The following HFM1 variants were observed in gnomAD, a reference collection of about 807,000 sequenced individuals.
The protein encoded by HFM1 is helicase for meiosis 1.
A neutral mutation model predicts 192.1 loss-of-function variants in HFM1; 169 were observed. The ratio of observed to expected loss-of-function variants is 0.88; its 90% CI spans 0.78 to 1.00. HFM1 has a LOEUF of 1.00. HFM1 is among the 50% of genes least tolerant of loss of function. HFM1 has a pLI of 0.00. For synonymous variants in HFM1, 525 were observed against 537.8 expected (o/e 0.98, Z 0.33); for missense variants, 1,661 against 1,668.0 (o/e 1.00, Z 0.07).
Position 91,319,162 on chromosome 1 carries a change from A to G in HFM1, c.2728T>C (p.Leu910=). 1.2e-6 allele frequency: 2 copies of G among 1,611,210 alleles called. No homozygotes were observed. Among genetic ancestry groups the G allele is most frequent in the Non-Finnish European group, 1.7e-6 (2 of 1,179,084 alleles). ...AAQEKKFAVL[L]NSLILAKCFR... ...CATTTAGCTAAAATCAAACTATTCA[A>G]TAGTACAGCAAACTTCTTTTCTTGA... Residue 910 remains leucine (L), a synonymous_variant, in exon 25 of 39, where the codon TTG becomes CTG. Coordinates refer to ENST00000370425, the MANE Select transcript of HFM1 (RefSeq NM_001017975.6).
chr1:91,404,271 G>C (rs1664621062), intron 1 of HFM1, among the ~76,000 whole-genome samples: 1 of 152,226 alleles, frequency 6.6e-6, no homozygotes, highest in African/African-American at 2.4e-5. Context: ...CAGCTCTGTG[G>C]ATTTCCTAAG....
intron 30 of HFM1, among the ~76,000 whole-genome samples, chr1:91,302,692 C>A (rs928416542): frequency 6.9e-6 from 1 of 145,780 alleles, no homozygotes. Flanking sequence ...GACAAAAAAC[C>A]AAACACTGCA....
chr1:91,265,983 T>C, intron 36 of HFM1, 34 bp downstream of exon 36: 1 of 1,584,972 alleles, frequency 6.3e-7, no homozygotes, highest in Non-Finnish European at 8.5e-7. Flanking sequence ...GATATAAAGT[T>C]GCAAATATTA....
chr1:91,336,916 A>AT (rs1356610847), intron 20 of HFM1, among the ~76,000 whole-genome samples: 4 of 152,208 alleles, frequency 2.6e-5, no homozygotes, highest in Non-Finnish European at 5.9e-5. Flanking sequence ...AAGGAATGAG[A>AT]TATGTCCTCT....
chr1:91,284,031 T>A (rs1356735350), intron 30 of HFM1, among the ~76,000 whole-genome samples: 2 of 151,978 alleles, frequency 1.3e-5, no homozygotes, highest in Non-Finnish European at 2.9e-5. Context: ...TTCTGTCAAA[T>A]ATTTTACTAT....
chr1:91,266,575 T>C (rs1244175122), intron 35 of HFM1, among the ~76,000 whole-genome samples: 1 of 152,202 alleles, frequency 6.6e-6, no homozygotes, highest in Non-Finnish European at 1.5e-5. Flanking sequence ...TACATTTTCA[T>C]TCACATAAAT....
At chr1:91,310,780 CT>C (rs1279527094) in intron 30 of HFM1, among the ~76,000 whole-genome samples, 7 of 152,174 alleles carry the variant, frequency 4.6e-5, no homozygotes, top group African/African-American at 1.7e-4. Context: ...TAAGAAGTGC[CT>C]TTTAACTCCC....
intron 13 of HFM1, among the ~76,000 whole-genome samples, chr1:91,368,108 A>G (rs1659631333): frequency 6.6e-6 from 1 of 152,250 alleles, no homozygotes. Context: ...GAAAAGACCA[A>G]AACTACATCT....
At chr1:91,365,933 A>C (rs1190123714) in intron 13 of HFM1, among the ~76,000 whole-genome samples, 3 of 151,428 alleles carry the variant, frequency 2.0e-5, no homozygotes, top group African/African-American at 7.3e-5. Context: ...CAGCACTGTA[A>C]TTCAAATCTG....
At chr1:91,343,024 G>A (rs1442457100) in intron 20 of HFM1, among the ~76,000 whole-genome samples, 4 of 151,712 alleles carry the variant, frequency 2.6e-5, no homozygotes, top group East Asian at 1.9e-4. Flanking sequence ...TCAGGAGATC[G>A]AGACCATCCT....
At chr1:91,283,652 G>A (rs1245729082) in intron 30 of HFM1, among the ~76,000 whole-genome samples, 2 of 152,062 alleles carry the variant, frequency 1.3e-5, no homozygotes, top group African/African-American at 4.8e-5. Flanking sequence ...GCCACATATT[G>A]TATTAATTTA....
At chr1:91,262,838 C>T (rs1255489048) in intron 36 of HFM1, among the ~76,000 whole-genome samples, 1 of 152,098 alleles carries the variant, frequency 6.6e-6, no homozygotes, top group Non-Finnish European at 1.5e-5. Flanking sequence ...AATTATTCAA[C>T]AATTTTCTTT....
chr1:91,344,231 C>T lies in HFM1; in HGVS notation c.2255-721G>A, dbSNP rs563601854. 1.4e-4 allele frequency among the ~76,000 whole-genome samples: 22 copies of T among 152,130 alleles called. 1 individual carries two copies. Among genetic ancestry groups the T allele is most frequent in the South Asian group, 6.2e-4 (3 of 4,814 alleles). On this transcript the variant is annotated intron_variant, in intron 19 of 38. Transcript: ENST00000370425. Reference sequence around the variant, plus strand: ...TCCTTCTCTGCCTCATGCTATAGTCCAGGAGATATAAGATAGTTCAGAGCA... The same window carrying T: ...TCCTTCTCTGCCTCATGCTATAGTCTAGGAGATATAAGATAGTTCAGAGCA...
At position 91,319,091 on chromosome 1, in the gene HFM1, T is replaced by C; in HGVS notation, c.2799A>G (p.Gln933=). 1 of 1,594,130 alleles carries C rather than the reference T, an allele frequency of 6.3e-7. No individual in the cohort carries two copies. The highest frequency in any genetic ancestry group is 1.2e-5 in the South Asian group (1 of 86,568). The part of the protein sequence containing the change: ...LWENSLHVSK[Q]LEKIGITLSN... The stretch of plus-strand genomic sequence containing the variant: ...TTCAGTACCTACCAATTTTTTCCAG[T>C]TGTTTGGATACATGCAGAGAGTTTT... Residue 933 remains glutamine (Q), a synonymous_variant, in exon 25 of 39, where the codon CAA becomes CAG. Coordinates refer to ENST00000370425, the MANE Select transcript of HFM1 (RefSeq NM_001017975.6).
In HFM1 at chr1:91,290,526, C is replaced by T. The variant is rs965295081; in HGVS notation, c.3392-13464G>A. Among the ~76,000 whole-genome samples, 11 of 152,192 alleles carry T rather than the reference C, an allele frequency of 7.2e-5. 1 individual carries two copies. The East Asian group carries it at 7.7e-4, about 11-fold the overall frequency. On this transcript the variant is annotated intron_variant, in intron 30 of 38. Transcript: ENST00000370425. Reference sequence around the variant, plus strand: ...CTATCCTAAATATATATGCACCCAACACAGGAGCACCCAGATTCATAAAGC... The same window carrying T: ...CTATCCTAAATATATATGCACCCAATACAGGAGCACCCAGATTCATAAAGC...
chr1:91,338,409 C>T (rs755839251), intron 20 of HFM1, among the ~76,000 whole-genome samples: 18 of 152,194 alleles, frequency 1.2e-4, no homozygotes, highest in Middle Eastern at 6.3e-3. Context: ...TGCCCCCTGA[C>T]TGCCAGCCTC....
chr1:91,281,112 G>A (rs976886852), intron 30 of HFM1, among the ~76,000 whole-genome samples: 6 of 152,218 alleles, frequency 3.9e-5, no homozygotes, highest in African/African-American at 7.2e-5. Flanking sequence ...ACAGATTTGA[G>A]ATAAGACAGA....
At chr1:91,393,150 T>C (rs1032222981) in intron 4 of HFM1, among the ~76,000 whole-genome samples, 3 of 152,206 alleles carry the variant, frequency 2.0e-5, no homozygotes, top group African/African-American at 7.2e-5. Flanking sequence ...TTACAAACAT[T>C]ATAGAAATCA....
intron 6 of HFM1, among the ~76,000 whole-genome samples, chr1:91,381,224 C>A (rs551445398): frequency 6.6e-6 from 1 of 152,152 alleles, no homozygotes; most frequent in East Asian, 1.9e-4. Context: ...AAGGGTTATA[C>A]CTGAGTGCTA....
Sources: gnomAD v4.1 joint callset for allele counts (sites outside exome capture counted in the v4.1 genomes callset) on GRCh38, gnomAD v4.1.1 for gene constraint, MANE v1.5 for transcripts, NCBI Gene and HGNC (gene_info 2026-07-23, HGNC 2026-07-21) for gene names.